RPH3AL: variants seen among roughly 807,000 people sequenced by gnomAD.
RPH3AL encodes the protein rab effector Noc2.
In RPH3AL, 38 loss-of-function variants were observed where a neutral mutation model predicts 43.1. That is an observed-to-expected ratio of 0.88 (90% confidence interval 0.68 to 1.15). The LOEUF is 1.15. Ranked by LOEUF, RPH3AL falls within the 50% of genes most tolerant of loss-of-function variation. The pLI is 0.00. For synonymous variants in RPH3AL, 189 were observed against 176.3 expected (o/e 1.07, Z -0.57); for missense variants, 462 against 423.2 (o/e 1.09, Z -0.81).
chr17:238,250 AAGAG>A (rs561191146), intron 7 of RPH3AL, among the ~76,000 whole-genome samples: 57 of 151,976 alleles, frequency 3.8e-4, no homozygotes, highest in South Asian at 3.5e-3. Flanking sequence ...GAGGGACAGA[AAGAG>A]AGAGAGAAAG....
intron 6 of RPH3AL, among the ~76,000 whole-genome samples, chr17:263,875 G>A (rs552902951): frequency 9.8e-5 from 15 of 152,294 alleles, no homozygotes; most frequent in Admixed American, 3.3e-4. Context: ...CCACCTAACC[G>A]CCCGGAGTCG....
intron 5 of RPH3AL, among the ~76,000 whole-genome samples, chr17:314,899 C>G (rs372349940): frequency 6.7e-5 from 9 of 134,934 alleles, no homozygotes; most frequent in South Asian, 2.4e-4. Context: ...TGTGCTCCAC[C>G]TCCATTGACC....
At chr17:275,387 C>T (rs1044283808) in intron 6 of RPH3AL, among the ~76,000 whole-genome samples, 30 of 152,148 alleles carry the variant, frequency 2.0e-4, no homozygotes, top group African/African-American at 7.0e-4. Flanking sequence ...TTCAAGATCA[C>T]AATGTCGAAT....
Position 219,690 on chromosome 17 carries a change from G to A in RPH3AL, c.660C>T (p.Ser220=), listed in dbSNP as rs780196376. 7.1e-5 allele frequency: 115 copies of A among 1,613,426 alleles called. 1 individual carries two copies. The highest frequency in any genetic ancestry group is 7.1e-5 in the Non-Finnish European group (84 of 1,179,848). ...SDSDSDLSSS[S]LEDRLPSTGV... ...CAGTGGATGGGAGTCTGTCCTCTAG[G>A]CTGGAGGAGCTAAGATCCGAGTCAC... The change falls in exon 8 of 10, where the codon AGC becomes AGT. Residue 220 remains serine (S), a synonymous_variant. Coordinates refer to ENST00000331302, the MANE Select transcript of RPH3AL (RefSeq NM_006987.4).
rs1301479996 is a variant in RPH3AL at position 225,101 on chromosome 17, C to T, written c.614-5365G>A. ...CACGTTATGCACATGTACCCTAGAACTTAAAATATAATGGAAAAAAAAAAA... is the reference window on the plus strand; with the variant it reads ...CACGTTATGCACATGTACCCTAGAATTTAAAATATAATGGAAAAAAAAAAA... On this transcript the variant is annotated intron_variant, in intron 7 of 9. Transcript: ENST00000331302. This position sits in a 1 kb window ranked among gnomAD's most constrained non-coding sequence, Gnocchi z 4.4. 8.4e-5 allele frequency among the ~76,000 whole-genome samples: 12 copies of T among 142,564 alleles called. No individual in the cohort carries two copies. The highest frequency in any genetic ancestry group is 6.4e-4 in the Admixed American group (9 of 14,124). 93.5% of individuals were successfully genotyped at this position (142,564 alleles called of 152,430 possible).
chr17:230,368 A>G (rs752176420), intron 7 of RPH3AL, among the ~76,000 whole-genome samples: 1 of 152,208 alleles, frequency 6.6e-6, no homozygotes, highest in African/African-American at 2.4e-5. Context: ...TGGACGGAAG[A>G]AGAGATCGGC....
chr17:272,213 T>A lies in RPH3AL; in HGVS notation c.438+9555A>T, dbSNP rs184226121. On this transcript the variant is annotated intron_variant, in intron 6 of 9. Transcript: ENST00000331302. ...ACAGTGTGGTGATTCCTCAGGGATC[T>A]AGAACTAGAAATACCATTTGACCCA... Among the ~76,000 whole-genome samples the A allele has an allele frequency of 5.3e-5, 8 of 152,292 alleles. No individual in the cohort carries two copies. The East Asian group carries it at 1.5e-3, about 29-fold the overall frequency.
At position 283,255 on chromosome 17, in the gene RPH3AL, G is replaced by A. The variant is rs2042824871; in HGVS notation, c.352-1401C>T. Among the ~76,000 whole-genome samples the A allele has an allele frequency of 6.6e-6, 1 of 152,174 alleles. No individual in the cohort carries two copies. The highest frequency in any genetic ancestry group is 1.5e-5 in the Non-Finnish European group (1 of 68,026). Reference sequence around the variant, plus strand: ...AGGAGCACGTCTCTCCATGGAGAGGGAAAATGTCACCAACTTGGCTTCCAC... The same window carrying A: ...AGGAGCACGTCTCTCCATGGAGAGGAAAAATGTCACCAACTTGGCTTCCAC... On this transcript the variant is annotated intron_variant, in intron 5 of 9. Transcript: ENST00000331302. This position sits in a 1 kb window ranked among gnomAD's most constrained non-coding sequence, Gnocchi z 4.2.
In RPH3AL at chr17:225,812, G is replaced by C. The variant is rs2041094563; in HGVS notation, c.614-6076C>G. Among the ~76,000 whole-genome samples, 1 of 152,236 alleles carries C rather than the reference G, an allele frequency of 6.6e-6. No homozygotes were observed. Among genetic ancestry groups the C allele is most frequent in the South Asian group, 2.1e-4 (1 of 4,832 alleles). On this transcript the variant is annotated intron_variant, in intron 7 of 9. Coordinates refer to ENST00000331302, the MANE Select transcript of RPH3AL (RefSeq NM_006987.4). The surrounding 1 kb of genome is among the most constrained non-coding windows in gnomAD (Gnocchi z 4.4). ...GCACGGGGCTCCGTGGTGTCACACA[G>C]TACCAGGCTCCTTTGGTGCAAAGGG...
chr17:253,048 G>A (rs1555543204), intron 6 of RPH3AL, among the ~76,000 whole-genome samples: 2 of 152,140 alleles, frequency 1.3e-5, no homozygotes, highest in East Asian at 1.9e-4. Flanking sequence ...TGGGGACCTC[G>A]GCTTACACTT....
At chr17:258,600 C>T (rs2042123531) in intron 6 of RPH3AL, among the ~76,000 whole-genome samples, 1 of 152,158 alleles carries the variant, frequency 6.6e-6, no homozygotes, top group African/African-American at 2.4e-5. Flanking sequence ...CGGCCCGTGC[C>T]TCAGCCTTGC....
At chr17:311,636 G>A (rs1419660774) in intron 5 of RPH3AL, among the ~76,000 whole-genome samples, 2 of 152,206 alleles carry the variant, frequency 1.3e-5, no homozygotes, top group Non-Finnish European at 2.9e-5. Flanking sequence ...CACAATGGGC[G>A]AAGCGATCAA....
intron 5 of RPH3AL, among the ~76,000 whole-genome samples, chr17:292,087 C>A (rs567316032): frequency 6.6e-6 from 1 of 152,232 alleles, no homozygotes; most frequent in Non-Finnish European, 1.5e-5. Context: ...AAAGTGTCCA[C>A]GCAGACAGGC....
At chr17:331,265 T>G in intron 2 of RPH3AL, 2 of 230,818 alleles carry the variant, frequency 8.7e-6, no homozygotes, top group Admixed American at 5.2e-5. Context: ...CAGAGCCAAA[T>G]GCTGCAGAGA....
At chr17:343,327 T>C (rs1460708423) in intron 1 of RPH3AL, among the ~76,000 whole-genome samples, 1 of 152,152 alleles carries the variant, frequency 6.6e-6, no homozygotes, top group Non-Finnish European at 1.5e-5. Context: ...AGTCAGAAAA[T>C]GGGCAGAGCC....
intron 5 of RPH3AL, among the ~76,000 whole-genome samples, chr17:304,184 C>T (rs552804272): frequency 7.0e-6 from 1 of 142,756 alleles, no homozygotes; most frequent in African/African-American, 2.7e-5. Context: ...GGAGGCTGTA[C>T]TGAGGTTTTA....
At chr17:338,043 T>C (rs2045008286) in intron 1 of RPH3AL, among the ~76,000 whole-genome samples, 1 of 152,234 alleles carries the variant, frequency 6.6e-6, no homozygotes, top group South Asian at 2.1e-4. Context: ...CCTCAGATTT[T>C]AACAGCCACA....
At chr17:297,554 G>A (rs754579507) in intron 5 of RPH3AL, among the ~76,000 whole-genome samples, 2 of 152,340 alleles carry the variant, frequency 1.3e-5, no homozygotes, top group African/African-American at 2.4e-5. Flanking sequence ...CGGATCGGGC[G>A]TGGGTGGGAG....
chr17:235,869 CGGCCGAGGCTCTG>C (rs2041374978), intron 7 of RPH3AL, among the ~76,000 whole-genome samples: 10 of 144,206 alleles, frequency 6.9e-5, no homozygotes, highest in African/African-American at 1.5e-4. Context: ...AAGCTGGGGT[CGGCCGAGGCTCTG>C]CAGTAACAAG....
Sources: allele counts gnomAD v4.1 joint callset (sites outside exome capture counted in the v4.1 genomes callset), GRCh38; gene constraint gnomAD v4.1.1; non-coding constraint Gnocchi (gnomAD v3.1); transcripts MANE v1.5; gene names NCBI Gene and HGNC (gene_info 2026-07-23, HGNC 2026-07-21).